Variants in CYB5A observed in about 807,000 individuals in gnomAD.
CYB5A encodes cytochrome b5 type A, also known as cytochrome b5.
In CYB5A, 10 loss-of-function variants were observed where a neutral mutation model predicts 16.2. That is an observed-to-expected ratio of 0.62 (90% CI 0.38 to 1.04). The LOEUF is 1.04. CYB5A is among the 50% of genes least tolerant of loss of function. The pLI is 0.01. For missense variants in CYB5A, 161 were observed against 165.9 expected (o/e 0.97, Z 0.16); for synonymous variants, 62 against 57.0 (o/e 1.09, Z -0.40).
intron 3 of CYB5A, 26 bp from the exon 4 acceptor site, chr18:74,255,801 G>A (rs374455541): frequency 6.3e-7 from 1 of 1,575,846 alleles, no homozygotes; most frequent in African/African-American, 1.4e-5. Context: ...AAAAAGTAAA[G>A]TAAGTTCAAG....
intron 4 of CYB5A, 147 bp downstream of exon 4, chr18:74,255,592 TGC>T (rs2145036351): frequency 1.5e-6 from 1 of 663,076 alleles, no homozygotes; most frequent in East Asian, 2.6e-5. Flanking sequence ...TGAGGCTGAG[TGC>T]TCTGAACAGT....
chr18:74,253,364 A>G lies in CYB5A; in HGVS notation c.*220T>C. Reference sequence around the variant, plus strand: ...TAAGTAAATTACACATTAAGGAAACATCAAAATAAAGTAGATGAATAAAAA... The same window carrying G: ...TAAGTAAATTACACATTAAGGAAACGTCAAAATAAAGTAGATGAATAAAAA... On this transcript the variant is annotated 3_prime_UTR_variant, in exon 5 of 5. Transcript: ENST00000340533. The G allele has an allele frequency of 2.2e-6, 1 of 464,696 alleles. No homozygotes were observed. The highest frequency in any genetic ancestry group is 4.0e-6 in the Non-Finnish European group (1 of 252,262). 28.8% of individuals were successfully genotyped at this position (464,696 alleles called of 1,614,324 possible). A position where few individuals can be genotyped will look rare whatever the true frequency, so the allele number is the denominator to read the frequency against.
At chr18:74,269,320 C>A (rs542390461) in intron 1 of CYB5A, among the ~76,000 whole-genome samples, 9 of 117,762 alleles carry the variant, frequency 7.6e-5, no homozygotes, top group East Asian at 2.3e-4. Flanking sequence ...GTTCATCCAA[C>A]CTTCTCGGCC....
intron 1 of CYB5A, among the ~76,000 whole-genome samples, chr18:74,264,477 G>A (rs1342480547): frequency 3.8e-5 from 2 of 52,216 alleles, no homozygotes; most frequent in African/African-American, 1.0e-4. Context: ...CTAAGATGAC[G>A]ATTCACAAGA....
In CYB5A at chr18:74,262,705, A is replaced by G. The variant is rs989602765; in HGVS notation, c.258+644T>C. ...AGTAGAAGTGGGGTTCTTAATAAAA[A>G]TATTTTGGTCAGAAAAGGAAAGAAA... On this transcript the variant is annotated intron_variant, in intron 2 of 4. Coordinates refer to ENST00000340533, the MANE Select transcript of CYB5A (RefSeq NM_148923.4). 6.6e-5 allele frequency among the ~76,000 whole-genome samples: 10 copies of G among 152,308 alleles called. No homozygotes were observed. In the East Asian group the frequency reaches 1.9e-3, roughly 29 times the overall value.
In CYB5A at chr18:74,280,277, A is replaced by G. The variant is rs1042813018; in HGVS notation, c.129+11470T>C. On this transcript the variant is annotated intron_variant, in intron 1 of 4. Transcript: ENST00000340533. ...CCTAAGTCACCTTAAAAAGTTTCACATGTCGGCCAGGTGCAGTGGCTCATG... is the reference window on the plus strand; with the variant it reads ...CCTAAGTCACCTTAAAAAGTTTCACGTGTCGGCCAGGTGCAGTGGCTCATG... 2.0e-3 allele frequency among the ~76,000 whole-genome samples: 300 copies of G among 152,226 alleles called. 3 individuals are homozygous for G. Among genetic ancestry groups the G allele is most frequent in the Non-Finnish European group, 4.7e-4 (32 of 68,022 alleles).
At chr18:74,266,115 C>T (rs775206922) in intron 1 of CYB5A, among the ~76,000 whole-genome samples, 2 of 152,164 alleles carry the variant, frequency 1.3e-5, no homozygotes, top group African/African-American at 2.4e-5. Context: ...TGGGAATGCA[C>T]GTTAGATGTG....
In CYB5A at chr18:74,272,212, C is replaced by A. The variant is rs1474130219; in HGVS notation, c.130-8735G>T. ...GCTTCCTTAAACCTTTCCTAAGCAACTTTTTTGTTCTTCTTTGCACTTACC... is the reference window on the plus strand; with the variant it reads ...GCTTCCTTAAACCTTTCCTAAGCAAATTTTTTGTTCTTCTTTGCACTTACC... On this transcript the variant is annotated intron_variant, in intron 1 of 4. Transcript: ENST00000340533. Among the ~76,000 whole-genome samples, 3 of 152,246 alleles carry A rather than the reference C, an allele frequency of 2.0e-5. No individual in the cohort carries two copies. In the South Asian group the frequency reaches 6.2e-4, roughly 32 times the overall value.
chr18:74,276,109 A>G (rs1224361809), intron 1 of CYB5A, among the ~76,000 whole-genome samples: 5 of 152,172 alleles, frequency 3.3e-5, no homozygotes, highest in Non-Finnish European at 5.9e-5. Flanking sequence ...AAACCAGGCA[A>G]CTGACCTGGA....
intron 1 of CYB5A, among the ~76,000 whole-genome samples, chr18:74,272,656 C>T (rs1268294847): frequency 1.3e-5 from 2 of 152,208 alleles, no homozygotes; most frequent in East Asian, 1.9e-4. Flanking sequence ...CAGTGCCTCA[C>T]GCCTGTAATC....
At chr18:74,255,142 A>C (rs752317405) in intron 4 of CYB5A, among the ~76,000 whole-genome samples, 12 of 152,218 alleles carry the variant, frequency 7.9e-5, no homozygotes, top group Non-Finnish European at 1.8e-4. Context: ...TGAGGCAGTT[A>C]AATTTGACAG....
chr18:74,289,473 T>C (rs1038486668), intron 1 of CYB5A, among the ~76,000 whole-genome samples: 1 of 152,108 alleles, frequency 6.6e-6, no homozygotes, highest in African/African-American at 2.4e-5. Flanking sequence ...CATTTTGGGT[T>C]GCTATAAATA....
chr18:74,282,967 A>G (rs571986466), intron 1 of CYB5A, among the ~76,000 whole-genome samples: 14 of 152,200 alleles, frequency 9.2e-5, no homozygotes, highest in Non-Finnish European at 1.8e-4. Flanking sequence ...TCAATGCCAT[A>G]AATAGCATTT....
chr18:74,261,878 G>A (rs1982213726), intron 2 of CYB5A, among the ~76,000 whole-genome samples: 1 of 152,112 alleles, frequency 6.6e-6, no homozygotes, highest in African/African-American at 2.4e-5. Flanking sequence ...TACGAGAGCA[G>A]AGCGGGCTCC....
At chr18:74,279,606 T>C (rs1035839515) in intron 1 of CYB5A, among the ~76,000 whole-genome samples, 10 of 151,818 alleles carry the variant, frequency 6.6e-5, no homozygotes, top group African/African-American at 2.4e-4. Flanking sequence ...AGCCCAGAGG[T>C]GGAAAGAAAG....
In CYB5A at chr18:74,276,136, G is replaced by A. The variant is rs17089038; in HGVS notation, c.130-12659C>T. Reference sequence around the variant, plus strand: ...TGACCTGGAGATCTTGACTCCAAACGGTAGGGTGAAGGTGAAAAATCCCAG... The same window carrying A: ...TGACCTGGAGATCTTGACTCCAAACAGTAGGGTGAAGGTGAAAAATCCCAG... On this transcript the variant is annotated intron_variant, in intron 1 of 4. Coordinates refer to ENST00000340533, the MANE Select transcript of CYB5A (RefSeq NM_148923.4). 0.012 allele frequency among the ~76,000 whole-genome samples: 1,767 copies of A among 152,182 alleles called. 103 individuals carry two copies. In the East Asian group the frequency reaches 0.18, roughly 16 times the overall value.
intron 1 of CYB5A, among the ~76,000 whole-genome samples, chr18:74,282,458 T>A (rs1345424337): frequency 6.6e-6 from 1 of 152,198 alleles, no homozygotes; most frequent in African/African-American, 2.4e-5. Context: ...TATCTGTTCC[T>A]CCACCAGGCT....
At chr18:74,281,285 C>G (rs1224651020) in intron 1 of CYB5A, among the ~76,000 whole-genome samples, 1 of 152,178 alleles carries the variant, frequency 6.6e-6, no homozygotes, top group African/African-American at 2.4e-5. Flanking sequence ...TGTGATGTAG[C>G]CTCAGGGATA....
At chr18:74,269,624 T>G (rs1365258029) in intron 1 of CYB5A, among the ~76,000 whole-genome samples, 1 of 152,156 alleles carries the variant, frequency 6.6e-6, no homozygotes, top group Non-Finnish European at 1.5e-5. Context: ...CTTTCATTCA[T>G]GGGAAATGCT....
Sources: gnomAD v4.1 joint callset for allele counts (sites outside exome capture counted in the v4.1 genomes callset) on GRCh38, gnomAD v4.1.1 for gene constraint, MANE v1.5 for transcripts, NCBI Gene and HGNC (gene_info 2026-07-23, HGNC 2026-07-21) for gene names.